The following PARN variants were observed in gnomAD, a reference collection of about 807,000 sequenced individuals.
PARN encodes the protein poly(A)-specific ribonuclease PARN.
PARN carries 71 observed loss-of-function variants against 102.8 expected under a neutral mutation model. That is an observed-to-expected ratio of 0.69 (90% confidence interval 0.57 to 0.84). PARN has a LOEUF of 0.84. Ranked by LOEUF, PARN falls within the 40% of genes least tolerant of loss-of-function variation. The pLI is 0.00. For missense variants in PARN, 782 were observed against 760.9 expected (o/e 1.03, Z -0.33); for synonymous variants, 261 against 252.9 (o/e 1.03, Z -0.30).
At chr16:14,507,926 A>G (rs1168111442) in intron 21 of PARN, among the ~76,000 whole-genome samples, 1 of 152,244 alleles carries the variant, frequency 6.6e-6, no homozygotes, top group Non-Finnish European at 1.5e-5. Context: ...AAACAACCTG[A>G]GAACATTTCT....
chr16:14,542,960 T>C (rs937082699), intron 21 of PARN, among the ~76,000 whole-genome samples: 4 of 152,208 alleles, frequency 2.6e-5, no homozygotes, highest in Admixed American at 2.0e-4. Context: ...ACTATGAATT[T>C]ATAGACTCAA....
chr16:14,498,750 C>G (rs575147073), intron 21 of PARN, among the ~76,000 whole-genome samples: 1 of 152,112 alleles, frequency 6.6e-6, no homozygotes, highest in African/African-American at 2.4e-5. Context: ...TGCCTTGGGA[C>G]GATGAAATTT....
chr16:14,460,508 AG>A (rs1044111909), intron 22 of PARN, among the ~76,000 whole-genome samples: 1 of 152,192 alleles, frequency 6.6e-6, no homozygotes, highest in Non-Finnish European at 1.5e-5. Context: ...CATCTTCCAA[AG>A]GGTTGTCCTT....
intron 11 of PARN, among the ~76,000 whole-genome samples, chr16:14,601,413 G>C (rs771630409): frequency 2.0e-5 from 3 of 152,070 alleles, no homozygotes; most frequent in African/African-American, 7.3e-5. Flanking sequence ...TCATATGACA[G>C]TAAGTAGAAT....
At chr16:14,438,894 A>G (rs1489397411) in intron 23 of PARN, among the ~76,000 whole-genome samples, 1 of 152,192 alleles carries the variant, frequency 6.6e-6, no homozygotes, top group Non-Finnish European at 1.5e-5. Context: ...GGCCACTAAC[A>G]GCGTTCTTTC....
chr16:14,500,581 A>C (rs901955199), intron 21 of PARN, among the ~76,000 whole-genome samples: 1 of 151,796 alleles, frequency 6.6e-6, no homozygotes, highest in African/African-American at 2.4e-5. Flanking sequence ...TTTATAAAGT[A>C]CTCTCTACAT....
At position 14,606,409 on chromosome 16, in the gene PARN, GA is replaced by G. The variant is rs1040649261; in HGVS notation, c.702+74del. The stretch of plus-strand genomic sequence containing the variant: ...AAAGACCCTGAGGGAAAAAAAAAAA[GA>G]AAAAAAAAAGAAACCCCTAACAGTG... On this transcript the variant is annotated intron_variant, in intron 10 of 23. Coordinates refer to ENST00000437198, the MANE Select transcript of PARN (RefSeq NM_002582.4). 1.6e-3 allele frequency: 966 copies of G among 608,264 alleles called. 1 individual carries two copies. The highest frequency in any genetic ancestry group is 3.3e-3 in the South Asian group (116 of 34,754). The allele number at this position is 608,264 out of a possible 1,614,324, so 37.7% of individuals were successfully genotyped here.
intron 21 of PARN, among the ~76,000 whole-genome samples, chr16:14,504,221 A>G (rs995328997): frequency 3.3e-5 from 5 of 152,216 alleles, no homozygotes; most frequent in Admixed American, 2.6e-4. Flanking sequence ...TAATAGTAGG[A>G]GAATAGTTAA....
intron 21 of PARN, among the ~76,000 whole-genome samples, chr16:14,500,942 A>C (rs1461369436): frequency 1.3e-5 from 2 of 152,154 alleles, no homozygotes; most frequent in Non-Finnish European, 2.9e-5. Flanking sequence ...GTTCCACCAA[A>C]ATCAAATCTG....
intron 22 of PARN, among the ~76,000 whole-genome samples, chr16:14,478,122 C>A (rs1450473349): frequency 1.3e-5 from 2 of 151,980 alleles, no homozygotes; most frequent in Non-Finnish European, 2.9e-5. Context: ...TCAAGACCAG[C>A]CTGAGTAACA....
intron 18 of PARN, among the ~76,000 whole-genome samples, chr16:14,580,332 G>A (rs1969446628): frequency 6.6e-6 from 1 of 151,074 alleles, no homozygotes; most frequent in Non-Finnish European, 1.5e-5. Flanking sequence ...GTGTTGCCCA[G>A]GCTGCAGTGC....
At chr16:14,574,026 G>A (rs941410128) in intron 18 of PARN, among the ~76,000 whole-genome samples, 6 of 152,176 alleles carry the variant, frequency 3.9e-5, no homozygotes, top group Non-Finnish European at 8.8e-5. Context: ...GGCAGAGGCC[G>A]GAACAGTTTG....
At chr16:14,513,601 C>T (rs1965311498) in intron 21 of PARN, among the ~76,000 whole-genome samples, 1 of 152,200 alleles carries the variant, frequency 6.6e-6, no homozygotes, top group South Asian at 2.1e-4. Flanking sequence ...CTTCCAGCTT[C>T]CTGCTCCCTC....
chr16:14,516,599 A>G (rs1965469945), intron 21 of PARN, among the ~76,000 whole-genome samples: 1 of 152,236 alleles, frequency 6.6e-6, no homozygotes, highest in African/African-American at 2.4e-5. Context: ...GAACATTTGA[A>G]TCAAGGGTTC....
chr16:14,559,303 T>C lies in PARN; in HGVS notation c.1263-3594A>G, dbSNP rs1967905459. Among the ~76,000 whole-genome samples, 3 of 152,060 alleles carry C rather than the reference T, an allele frequency of 2.0e-5. No individual in the cohort carries two copies. The South Asian group carries it at 6.2e-4, about 31-fold the overall frequency. On this transcript the variant is annotated intron_variant, in intron 18 of 23. Transcript: ENST00000437198. ...AAATTTTTTTGAAAAATATTTTTTG[T>C]CAATATATAAGCTATGTGTTCTCTA...
At chr16:14,583,400 T>C (rs2151752756) in intron 16 of PARN, among the ~76,000 whole-genome samples, 1 of 152,334 alleles carries the variant, frequency 6.6e-6, no homozygotes, top group South Asian at 2.1e-4. Flanking sequence ...TAAGCAAGAA[T>C]TCTTTAACTC....
At chr16:14,491,702 G>A (rs1406159418) in intron 21 of PARN, among the ~76,000 whole-genome samples, 1 of 152,138 alleles carries the variant, frequency 6.6e-6, no homozygotes, top group Non-Finnish European at 1.5e-5. Flanking sequence ...AGCCAGCAAG[G>A]TTGAGGCTGC....
At chr16:14,532,425 T>C (rs1376935217) in intron 21 of PARN, among the ~76,000 whole-genome samples, 1 of 152,000 alleles carries the variant, frequency 6.6e-6, no homozygotes, top group Non-Finnish European at 1.5e-5. Flanking sequence ...AAGCACATCT[T>C]GCACCGCCCT....
intron 21 of PARN, among the ~76,000 whole-genome samples, chr16:14,516,266 TATAATAGA>T (rs1965451078): frequency 6.6e-6 from 1 of 151,716 alleles, no homozygotes; most frequent in African/African-American, 2.4e-5. Context: ...TCCAAATAGC[TATAATAGA>T]AGTTTTCATA....
Sources: gnomAD v4.1 joint callset for allele counts (sites outside exome capture counted in the v4.1 genomes callset) on GRCh38, gnomAD v4.1.1 for gene constraint, MANE v1.5 for transcripts, NCBI Gene and HGNC (gene_info 2026-07-23, HGNC 2026-07-21) for gene names.